The following BNC2 variants were observed in gnomAD, a reference collection of about 807,000 sequenced individuals.
The protein encoded by BNC2 is zinc finger protein basonuclin-2.
BNC2 carries 20 observed loss-of-function variants against 76.3 expected under a neutral mutation model. That is an observed-to-expected ratio of 0.26 (90% CI 0.18 to 0.38). The LOEUF (loss-of-function observed/expected upper bound fraction) is 0.38, where lower values mean the gene tolerates loss of function less well. Among genes scored for constraint, BNC2 ranks in the 10% least tolerant of loss-of-function variants. The pLI is 1.00. For synonymous variants in BNC2, 582 were observed against 514.8 expected, an observed-to-expected ratio of 1.13 and a Z score of -1.77; for missense variants, 1,382 against 1,399.8, an observed-to-expected ratio of 0.99 and a Z score of 0.20.
intron 1 of BNC2, among the ~76,000 whole-genome samples, chr9:16,825,342 TCTC>T (rs2135976736): frequency 6.6e-6 from 1 of 152,216 alleles, no homozygotes; most frequent in South Asian, 2.1e-4. Flanking sequence ...AAATCCCTAT[TCTC>T]CTCTTTATTT....
chr9:16,646,975 T>C (rs139700138), intron 3 of BNC2, among the ~76,000 whole-genome samples: 51 of 152,266 alleles, frequency 3.3e-4, no homozygotes, highest in African/African-American at 7.9e-4. Flanking sequence ...TAGTAGACCA[T>C]GCCCACCCAT....
intron 3 of BNC2, among the ~76,000 whole-genome samples, chr9:16,635,803 T>C (rs549357134): frequency 1.3e-5 from 2 of 152,290 alleles, no homozygotes; most frequent in South Asian, 4.1e-4. Flanking sequence ...CATAATCAGT[T>C]TTTAAAAGTA....
chr9:16,446,869 G>A (rs920093381), intron 5 of BNC2, among the ~76,000 whole-genome samples: 2 of 152,006 alleles, frequency 1.3e-5, no homozygotes, highest in African/African-American at 4.8e-5. Context: ...TTTCTTCCTT[G>A]TACTGAGGAA....
intron 1 of BNC2, among the ~76,000 whole-genome samples, chr9:16,839,737 T>A (rs539598827): frequency 6.6e-6 from 1 of 152,320 alleles, no homozygotes; most frequent in Non-Finnish European, 1.5e-5. Context: ...AATTAAAGGC[T>A]GATTAGAAGA....
At chr9:16,643,322 A>T (rs1821540949) in intron 3 of BNC2, among the ~76,000 whole-genome samples, 1 of 144,420 alleles carries the variant, frequency 6.9e-6, no homozygotes, top group Non-Finnish European at 1.5e-5. Flanking sequence ...AAAAAAAAAA[A>T]TGAGGTACCA....
chr9:16,667,127 C>T lies in BNC2; in HGVS notation c.330+60670G>A, dbSNP rs80283326. 2.9e-3 allele frequency among the ~76,000 whole-genome samples: 443 copies of T among 151,212 alleles called. 4 individuals carry two copies. Among genetic ancestry groups the T allele is most frequent in the African/African-American group, 0.01 (413 of 41,214 alleles). ...CACACACGCACACACGCACACACGC[C>T]GATGTTATAAAAGTACTGTCACTAG... On this transcript the variant is annotated intron_variant, in intron 3 of 6. Coordinates refer to ENST00000380672, the MANE Select transcript of BNC2 (RefSeq NM_017637.6).
Position 16,436,627 on chromosome 9 carries a change from C to T in BNC2, c.1567G>A (p.Ala523Thr). 3 of 1,614,026 alleles carry T rather than the reference C, an allele frequency of 1.9e-6. No individual in the cohort carries two copies. The highest frequency in any genetic ancestry group is 2.2e-5 in the East Asian group (1 of 44,868). Residue 523 changes from alanine to threonine, a missense_variant, in exon 6 of 7, where the codon GCA becomes ACA. Physicochemically the swap from Ala to Thr is moderately conservative, Grantham distance 58. Coordinates refer to ENST00000380672, the MANE Select transcript of BNC2 (RefSeq NM_017637.6). ...AGTGCCAGATTTGATTTTGTACTTG[C>T]TATGACAGGGGTGGCAGCTCCTGAG... ...ATSGAATPVI[A>T]STKSNLALTS... is the part of the protein sequence containing the mutation.
intron 3 of BNC2, among the ~76,000 whole-genome samples, chr9:16,587,354 C>T (rs1463973459): frequency 6.6e-6 from 1 of 152,122 alleles, no homozygotes; most frequent in Non-Finnish European, 1.5e-5. Context: ...GCTGGGACTA[C>T]AGGCGTGCAC....
intron 1 of BNC2, among the ~76,000 whole-genome samples, chr9:16,788,367 C>A (rs182658962): frequency 5.3e-5 from 8 of 151,710 alleles, no homozygotes; most frequent in East Asian, 1.9e-4. Flanking sequence ...TCCTGGCTAA[C>A]ATGGTGAAAC....
chr9:16,665,386 A>AAGAGAG (rs55852227), intron 3 of BNC2, among the ~76,000 whole-genome samples: 26,870 of 83,066 alleles, frequency 0.32, 7,505 homozygotes, highest in Non-Finnish European at 0.4. Flanking sequence ...AAAAAAAAAA[A>AAGAGAG]AGAGAGAGAG....
At chr9:16,797,941 C>A (rs1817696901) in intron 1 of BNC2, among the ~76,000 whole-genome samples, 1 of 152,096 alleles carries the variant, frequency 6.6e-6, no homozygotes, top group African/African-American at 2.4e-5. Context: ...TGATTTTCAT[C>A]TGGCTCTGAT....
At chr9:16,663,323 G>C (rs944681295) in intron 3 of BNC2, among the ~76,000 whole-genome samples, 4 of 151,896 alleles carry the variant, frequency 2.6e-5, no homozygotes, top group Admixed American at 6.6e-5. Flanking sequence ...AGTAGAGACA[G>C]GGTTTCACCA....
At chr9:16,801,410 T>C (rs2135753064) in intron 1 of BNC2, among the ~76,000 whole-genome samples, 1 of 151,656 alleles carries the variant, frequency 6.6e-6, no homozygotes, top group Middle Eastern at 3.4e-3. Context: ...TCTATTTTTT[T>C]TTTTCTTAGT....
At chr9:16,758,778 T>C (rs944208) in intron 1 of BNC2, among the ~76,000 whole-genome samples, 123,304 of 152,132 alleles carry the variant, frequency 0.81, 51,417 homozygotes, top group Non-Finnish European at 0.91. Flanking sequence ...TCTAATTATC[T>C]GGTATTTAAA....
At chr9:16,438,574 C>T (rs375664294) in intron 5 of BNC2, among the ~76,000 whole-genome samples, 1 of 152,152 alleles carries the variant, frequency 6.6e-6, no homozygotes, top group East Asian at 1.9e-4. Flanking sequence ...TATTCAAACA[C>T]TTAAATAATG....
chr9:16,445,350 G>C (rs1198505213), intron 5 of BNC2, among the ~76,000 whole-genome samples: 1 of 152,104 alleles, frequency 6.6e-6, no homozygotes. Context: ...TTCACACAAA[G>C]CTCTTTTATG....
chr9:16,437,236 C>T lies in BNC2; in HGVS notation c.958G>A (p.Ala320Thr). The change falls in exon 6 of 7, where the codon GCA becomes ACA. Residue 320 changes from alanine (A) to threonine (T), a missense_variant. This residue lies in a region of BNC2 where 557 missense variants were observed against 540.9 expected (regional missense o/e 1.03). Transcript: ENST00000380672. The part of the protein sequence containing the change: ...HHFENIPNSL[A>T]FLLPFQYINP... ...ATGTACTGGAATGGAAGCAGAAATG[C>T]AAGGCTGTTTGGGATGTTTTCGAAG... The T allele has an allele frequency of 6.2e-7, 1 of 1,614,122 alleles. No homozygotes were observed. Among genetic ancestry groups the T allele is most frequent in the Non-Finnish European group, 8.5e-7 (1 of 1,180,014 alleles).
intron 5 of BNC2, among the ~76,000 whole-genome samples, chr9:16,501,494 G>T (rs1822516541): frequency 1.3e-5 from 2 of 152,146 alleles, no homozygotes; most frequent in African/African-American, 4.8e-5. Context: ...ATGGCTGGGT[G>T]TCCAAATGGA....
At chr9:16,453,649 CT>C (rs1821387782) in intron 5 of BNC2, among the ~76,000 whole-genome samples, 2 of 152,124 alleles carry the variant, frequency 1.3e-5, no homozygotes, top group Non-Finnish European at 2.9e-5. Flanking sequence ...CAACTCCTCC[CT>C]TTAAAATAAA....
Sources: allele counts gnomAD v4.1 joint callset (sites outside exome capture counted in the v4.1 genomes callset), GRCh38; gene constraint gnomAD v4.1.1; regional missense constraint gnomAD v4.1.1; transcripts MANE v1.5; gene names NCBI Gene and HGNC (gene_info 2026-07-23, HGNC 2026-07-21).